TRAK2: variants seen among roughly 807,000 people sequenced by gnomAD.
TRAK2 encodes trafficking kinesin-binding protein 2.
Under a neutral mutation model 104.6 loss-of-function variants are expected in TRAK2, and 81 were observed. The ratio of observed to expected loss-of-function variants is 0.77; its 90% CI spans 0.65 to 0.93. The LOEUF is 0.93. Among genes scored for constraint, TRAK2 ranks in the 40% least tolerant of loss-of-function variants. The probability of loss-of-function intolerance (pLI) is 0.00; values close to 1 mark genes in which losing one functional copy is unlikely to be tolerated. For missense variants in TRAK2, 1,002 were observed against 1,089.0 expected, an observed-to-expected ratio of 0.92 and a Z score of 1.12; for synonymous variants, 406 against 394.4, an observed-to-expected ratio of 1.03 and a Z score of -0.35.
At chr2:201,392,810 C>A in intron 10 of TRAK2, 99 bp downstream of exon 10, 1 of 1,208,092 alleles carries the variant, frequency 8.3e-7, no homozygotes, top group Non-Finnish European at 1.1e-6. Context: ...AAAATCTCTT[C>A]TCCAGATGTT....
chr2:201,426,514 T>C lies in TRAK2; in HGVS notation c.-199-5808A>G, dbSNP rs189691221. Among the ~76,000 whole-genome samples, 388 of 152,302 alleles carry C rather than the reference T, an allele frequency of 2.5e-3. 1 individual carries two copies. The highest frequency in any genetic ancestry group is 0.01 in the Middle Eastern group (3 of 294). On this transcript the variant is annotated intron_variant, in intron 1 of 15. Coordinates refer to ENST00000332624, the MANE Select transcript of TRAK2 (RefSeq NM_015049.3). ...TCATCCCCAAACCACCCTCCTCATC[T>C]CCACTGGTCCATGGAAAAATTGTCT... is the stretch of plus-strand genomic sequence containing the variant.
chr2:201,400,920 C>A (rs1951545040), intron 4 of TRAK2, 98 bp downstream of exon 4: 4 of 840,186 alleles, frequency 4.8e-6, no homozygotes, highest in South Asian at 1.7e-5. Flanking sequence ...TAACCCAGAG[C>A]ACGTACAACA....
chr2:201,407,659 A>G, intron 2 of TRAK2, 62 bp from the exon 3 acceptor site: 1 of 1,409,312 alleles, frequency 7.1e-7, no homozygotes, highest in South Asian at 1.4e-5. Flanking sequence ...GGCTACAGAG[A>G]AAATTGATGA....
intron 3 of TRAK2, 22 bp downstream of exon 3, chr2:201,407,379 TAA>T: frequency 1.9e-6 from 3 of 1,596,486 alleles, no homozygotes; most frequent in South Asian, 1.1e-5. Context: ...ATGCACAAAC[TAA>T]AAGAGTAAAA....
intron 3 of TRAK2, among the ~76,000 whole-genome samples, chr2:201,407,070 G>C (rs1951600734): frequency 6.6e-6 from 1 of 151,930 alleles, no homozygotes; most frequent in African/African-American, 2.4e-5. Flanking sequence ...CAAACTACTG[G>C]GATAATAAAT....
Position 201,417,013 on chromosome 2 carries a change from T to C in TRAK2, c.91+3404A>G, listed in dbSNP as rs545218251. 6.5e-4 allele frequency among the ~76,000 whole-genome samples: 99 copies of C among 152,092 alleles called. 1 individual carries two copies. In the South Asian group the frequency reaches 0.018, roughly 27 times the overall value. On this transcript the variant is annotated intron_variant, in intron 2 of 15. Coordinates refer to ENST00000332624, the MANE Select transcript of TRAK2 (RefSeq NM_015049.3). ...AAGTACAGATGATCAGACTGGATTTTCTTTTTAGAAAAGACCCCATTATAA... is the reference window on the plus strand; with the variant it reads ...AAGTACAGATGATCAGACTGGATTTCCTTTTTAGAAAAGACCCCATTATAA...
intron 10 of TRAK2, among the ~76,000 whole-genome samples, chr2:201,391,758 T>C (rs1052646235): frequency 1.3e-5 from 2 of 152,216 alleles, no homozygotes; most frequent in Admixed American, 6.5e-5. Flanking sequence ...TCTGAGAATA[T>C]GGCATGATTT....
chr2:201,409,240 T>C (rs1951622853), intron 2 of TRAK2, among the ~76,000 whole-genome samples: 1 of 151,604 alleles, frequency 6.6e-6, no homozygotes, highest in South Asian at 2.1e-4. Context: ...TTTAGTACAA[T>C]GCGCCTTGCA....
At chr2:201,411,388 A>G (rs1426292705) in intron 2 of TRAK2, 18 of 747,754 alleles carry the variant, frequency 2.4e-5, no homozygotes, top group South Asian at 2.2e-4. Flanking sequence ...ATGTGGCTAA[A>G]AACCTTGTCA....
In TRAK2 at chr2:201,439,290, C is replaced by CT. The variant is rs74445112; in HGVS notation, c.-200+12059dup. 9.0e-4 allele frequency among the ~76,000 whole-genome samples: 137 copies of CT among 152,286 alleles called. 2 individuals carry two copies. The East Asian group carries it at 0.025, about 28-fold the overall frequency. The stretch of plus-strand genomic sequence containing the variant: ...CAGTAAAGTAGGTGTACGTGCAGGG[C>CT]TATACCAACTAAGCTCATCGGTTAC... On this transcript the variant is annotated intron_variant, in intron 1 of 15. Transcript: ENST00000332624.
At chr2:201,439,637 T>G (rs1225394647) in intron 1 of TRAK2, among the ~76,000 whole-genome samples, 2 of 151,874 alleles carry the variant, frequency 1.3e-5, no homozygotes, top group African/African-American at 4.8e-5. Flanking sequence ...TTAAAGAGCT[T>G]TTTCTGGGTG....
At chr2:201,436,113 A>C (rs1382556371) in intron 1 of TRAK2, among the ~76,000 whole-genome samples, 1 of 152,200 alleles carries the variant, frequency 6.6e-6, no homozygotes, top group Non-Finnish European at 1.5e-5. Flanking sequence ...TTTTCAACAG[A>C]AAATTATGTC....
intron 2 of TRAK2, among the ~76,000 whole-genome samples, chr2:201,417,028 C>T (rs1315176484): frequency 1.5e-5 from 2 of 136,344 alleles, no homozygotes; most frequent in East Asian, 2.2e-4. Context: ...TTAGAAAAGA[C>T]CCCATTATAA....
rs1952034747 is a variant in TRAK2, at chr2:201,451,363, C to T, written c.-213G>A. 1 of 152,194 alleles carries T rather than the reference C, an allele frequency of 6.6e-6. No individual in the cohort carries two copies. The highest frequency in any genetic ancestry group is 1.5e-5 in the Non-Finnish European group (1 of 68,022). The allele number at this position is 152,194 out of a possible 1,614,324, so 9.4% of individuals were successfully genotyped here. A position where few individuals can be genotyped will look rare whatever the true frequency, so the allele number is the denominator to read the frequency against. On this transcript the variant is annotated 5_prime_UTR_variant, in exon 1 of 16. An upstream start codon of the reference 5' UTR is lost. Coordinates refer to ENST00000332624, the MANE Select transcript of TRAK2 (RefSeq NM_015049.3). The stretch of plus-strand genomic sequence containing the variant: ...CAGCTTACTCACTGGAGTGGTTCGG[C>T]ATCCTCTGTCGTCCGCCCGCGCTTC...
intron 8 of TRAK2, 197 bp downstream of exon 8, chr2:201,395,115 CAA>C: frequency 1.6e-6 from 1 of 629,100 alleles, no homozygotes; most frequent in Non-Finnish European, 2.7e-6. Context: ...CCCCATTTTA[CAA>C]AGAGAAATAA....
At chr2:201,449,651 A>AC (rs1559458070) in intron 1 of TRAK2, among the ~76,000 whole-genome samples, 5 of 135,750 alleles carry the variant, frequency 3.7e-5, no homozygotes, top group African/African-American at 1.4e-4. Context: ...TGCCTGGCTA[A>AC]TTTTTTTTTT....
At chr2:201,390,686 T>TG (rs1249708136) in intron 10 of TRAK2, among the ~76,000 whole-genome samples, 3 of 151,416 alleles carry the variant, frequency 2.0e-5, no homozygotes, top group African/African-American at 4.9e-5. Flanking sequence ...CAGTCAGGGA[T>TG]GAGGACTAAA....
chr2:201,399,660 G>A (rs1055527926), intron 4 of TRAK2, 167 bp from the exon 5 acceptor site: 1 of 529,856 alleles, frequency 1.9e-6, no homozygotes, highest in Admixed American at 3.1e-5. Context: ...CACAGGTAGT[G>A]CTTTAAAACG....
rs752528582 is a variant in TRAK2 at position 201,394,840 on chromosome 2, G to T, written c.933C>A (p.His311Gln). Residue 311 changes from histidine (H) to glutamine (Q), a missense_variant, in exon 9 of 16, where the codon CAC becomes CAA. His to Gln is a conservative substitution (Grantham distance 24, BLOSUM62 0). Transcript: ENST00000332624. Reference protein sequence around the residue: ...HVIEKEELKLHLQASKDAQRQ... With the variant: ...HVIEKEELKLQLQASKDAQRQ... ...GTTGGGCATCTTTGGAAGCTTGCAG[G>T]TGAAGTTTTAGTTCTTCCTTCTCAA... 6.2e-7 allele frequency: 1 copy of T among 1,613,926 alleles called. No individual in the cohort carries two copies. Among genetic ancestry groups the T allele is most frequent in the South Asian group, 1.1e-5 (1 of 91,070 alleles).
Sources: gnomAD v4.1 joint callset for allele counts (sites outside exome capture counted in the v4.1 genomes callset) on GRCh38, gnomAD v4.1.1 for gene constraint, MANE v1.5 for transcripts, NCBI Gene and HGNC (gene_info 2026-07-23, HGNC 2026-07-21) for gene names.